Variants in NPAS3 observed in about 807,000 individuals in gnomAD.
The protein encoded by NPAS3 is neuronal PAS domain protein 3, also known as neuronal PAS domain-containing protein 3.
Under a neutral mutation model 73.1 loss-of-function variants are expected in NPAS3, and 14 were observed. That is an observed-to-expected ratio of 0.19 (90% confidence interval 0.13 to 0.30). The LOEUF (loss-of-function observed/expected upper bound fraction) is 0.30, where lower values mean the gene tolerates loss of function less well. Among genes scored for constraint, NPAS3 ranks in the 10% least tolerant of loss-of-function variants. The pLI, the probability that NPAS3 is intolerant of heterozygous loss-of-function variation, is 1.00. For missense variants in NPAS3, 1,096 were observed against 1,250.0 expected, an observed-to-expected ratio of 0.88 and a Z score of 1.86; for synonymous variants, 620 against 541.5, an observed-to-expected ratio of 1.14 and a Z score of -2.01.
intron 4 of NPAS3, among the ~76,000 whole-genome samples, chr14:33,554,036 C>G (rs1490460510): frequency 1.3e-5 from 2 of 152,318 alleles, no homozygotes; most frequent in East Asian, 1.9e-4. Context: ...TTCTTTCCAA[C>G]TCTTTTAACT....
chr14:33,231,724 T>G (rs2047857275), intron 3 of NPAS3, among the ~76,000 whole-genome samples: 1 of 152,184 alleles, frequency 6.6e-6, no homozygotes, highest in Non-Finnish European at 1.5e-5. Flanking sequence ...TATGTAGAAC[T>G]CTCTTTTAAT....
intron 9 of NPAS3, among the ~76,000 whole-genome samples, chr14:33,785,661 T>C (rs1018545460): frequency 6.6e-6 from 1 of 152,174 alleles, no homozygotes; most frequent in African/African-American, 2.4e-5. Context: ...ATTTAATTCA[T>C]GTATGTGTCT....
chr14:32,949,935 C>A (rs930136722), intron 1 of NPAS3, among the ~76,000 whole-genome samples: 5 of 151,702 alleles, frequency 3.3e-5, no homozygotes, highest in African/African-American at 1.2e-4. Context: ...GGATTGTTTT[C>A]TTTGAAGAGA....
At chr14:33,360,648 C>G (rs531530643) in intron 3 of NPAS3, among the ~76,000 whole-genome samples, 1 of 152,312 alleles carries the variant, frequency 6.6e-6, no homozygotes, top group East Asian at 1.9e-4. Flanking sequence ...AAAAAGTACT[C>G]TCTTACAATC....
intron 5 of NPAS3, among the ~76,000 whole-genome samples, chr14:33,642,764 G>A (rs755555477): frequency 4.6e-5 from 7 of 152,130 alleles, no homozygotes; most frequent in African/African-American, 1.4e-4. Flanking sequence ...ATTGTTTGTG[G>A]TGTCAGAGAA....
rs552988883 is a variant in NPAS3 at position 33,238,069 on chromosome 14, G to A, written c.385+22643G>A. Among the ~76,000 whole-genome samples, 5 of 152,016 alleles carry A rather than the reference G, an allele frequency of 3.3e-5. No homozygotes were observed. The South Asian group carries it at 6.2e-4, about 19-fold the overall frequency. The stretch of plus-strand genomic sequence containing the variant: ...ATTGGCTCAGAAAAAATGAACTAAC[G>A]TGTTTTGGGAAGGCAAATGATTGAT... On this transcript the variant is annotated intron_variant, in intron 3 of 11. Transcript: ENST00000356141.
intron 5 of NPAS3, among the ~76,000 whole-genome samples, chr14:33,562,329 A>G (rs1271121160): frequency 6.6e-6 from 1 of 152,234 alleles, no homozygotes; most frequent in Non-Finnish European, 1.5e-5. Context: ...GCTTTTATAT[A>G]TAATGGGTTT....
intron 2 of NPAS3, among the ~76,000 whole-genome samples, chr14:33,088,843 C>T (rs1265240395): frequency 6.6e-6 from 1 of 152,212 alleles, no homozygotes; most frequent in Non-Finnish European, 1.5e-5. Flanking sequence ...GAGGAACCAT[C>T]AGGCAGCAAC....
At chr14:33,751,272 G>T (rs1336944937) in intron 7 of NPAS3, among the ~76,000 whole-genome samples, 1 of 152,206 alleles carries the variant, frequency 6.6e-6, no homozygotes. Context: ...AGCCTATTAG[G>T]TAAGGGAGTA....
chr14:33,256,786 C>G (rs1594525171), intron 3 of NPAS3, among the ~76,000 whole-genome samples: 1 of 152,116 alleles, frequency 6.6e-6, no homozygotes, highest in Non-Finnish European at 1.5e-5. Flanking sequence ...CCAGCATAAT[C>G]TTAATGTCAA....
At chr14:33,414,746 C>A (rs1048826196) in intron 4 of NPAS3, among the ~76,000 whole-genome samples, 10 of 152,096 alleles carry the variant, frequency 6.6e-5, no homozygotes, top group Admixed American at 3.9e-4. Flanking sequence ...GGGAGGACAA[C>A]TTGAAGGCAC....
intron 5 of NPAS3, among the ~76,000 whole-genome samples, chr14:33,630,694 A>G (rs1475030047): frequency 1.3e-5 from 2 of 152,210 alleles, no homozygotes; most frequent in Non-Finnish European, 2.9e-5. Context: ...TAACCTATGG[A>G]GAATCCTGAT....
intron 4 of NPAS3, among the ~76,000 whole-genome samples, chr14:33,369,011 G>A (rs1347998860): frequency 6.6e-6 from 1 of 152,170 alleles, no homozygotes; most frequent in Admixed American, 6.6e-5. Context: ...AGGCCTATGA[G>A]TAAGGTGTCT....
chr14:33,752,091 T>G (rs1322921271), intron 7 of NPAS3, among the ~76,000 whole-genome samples: 2 of 152,202 alleles, frequency 1.3e-5, no homozygotes, highest in African/African-American at 4.8e-5. Flanking sequence ...AACATAATTT[T>G]CACAAAGAAA....
chr14:33,759,370 G>A (rs2062212907), intron 7 of NPAS3, among the ~76,000 whole-genome samples: 1 of 152,320 alleles, frequency 6.6e-6, no homozygotes, highest in South Asian at 2.1e-4. Context: ...CTGTCAAGAG[G>A]AAGCTCAGTA....
At chr14:33,367,396 T>C in intron 4 of NPAS3, 128 bp downstream of exon 4, 1 of 535,390 alleles carries the variant, frequency 1.9e-6, no homozygotes, top group Non-Finnish European at 3.3e-6. Flanking sequence ...TATCTTGAAA[T>C]TCCGAAATTC....
At chr14:33,756,808 C>T (rs1405287127) in intron 7 of NPAS3, among the ~76,000 whole-genome samples, 1 of 152,144 alleles carries the variant, frequency 6.6e-6, no homozygotes, top group Non-Finnish European at 1.5e-5. Flanking sequence ...TGAAGGAAAA[C>T]AGAGAGTCAG....
In NPAS3 at chr14:33,143,655, A is replaced by G. The variant is rs541050141; in HGVS notation, c.141-71527A>G. Among the ~76,000 whole-genome samples the G allele has an allele frequency of 2.3e-3, 352 of 152,294 alleles. 1 individual carries two copies. Among genetic ancestry groups the G allele is most frequent in the African/African-American group, 7.8e-3 (324 of 41,574 alleles). ...ACAATGTTGTACAAATAGCACCTCTATCTAGTTCTAAAACATGTTTATCAC... is the reference window on the plus strand; with the variant it reads ...ACAATGTTGTACAAATAGCACCTCTGTCTAGTTCTAAAACATGTTTATCAC... On this transcript the variant is annotated intron_variant, in intron 2 of 11. Coordinates refer to ENST00000356141, the Ensembl canonical transcript of NPAS3.
At chr14:33,637,150 C>T (rs191246006) in intron 5 of NPAS3, among the ~76,000 whole-genome samples, 14 of 152,118 alleles carry the variant, frequency 9.2e-5, no homozygotes, top group African/African-American at 3.1e-4. Flanking sequence ...TTAGTACTGG[C>T]GGTGAAAAAT....
Sources: allele counts gnomAD v4.1 joint callset (sites outside exome capture counted in the v4.1 genomes callset), GRCh38; gene constraint gnomAD v4.1.1; transcripts MANE v1.5; gene names NCBI Gene and HGNC (gene_info 2026-07-23, HGNC 2026-07-21).